DISP1: variants seen among roughly 807,000 people sequenced by gnomAD.
DISP1 encodes dispatched RND transporter family member 1.
Under a neutral mutation model 37.3 loss-of-function variants are expected in DISP1, and 30 were observed. The observed-to-expected ratio is 0.80, with a 90% confidence interval of 0.60 to 1.09. The LOEUF (loss-of-function observed/expected upper bound fraction) is 1.09. Ranked by LOEUF, DISP1 falls within the 50% of genes least tolerant of loss-of-function variation. The pLI is 0.00. For synonymous variants in DISP1, 634 were observed against 690.2 expected (o/e 0.92, Z 1.28); for missense variants, 1,598 against 1,879.5 (o/e 0.85, Z 2.77).
rs1463813224 is a variant in DISP1, at chr1:223,004,112, G to A, written c.2715G>A (p.Leu905=). 1 of 1,613,978 alleles carries A rather than the reference G, an allele frequency of 6.2e-7. No homozygotes were observed. Among genetic ancestry groups the A allele is most frequent in the Non-Finnish European group, 8.5e-7 (1 of 1,180,020 alleles). The change falls in exon 9 of 9, where the codon TTG becomes TTA. Residue 905 remains leucine, a synonymous_variant. Transcript: ENST00000675850. The surrounding 1 kb of genome is among the most constrained non-coding windows in gnomAD (Gnocchi z 4.9). ...TGGAAAGGAGTACAGGGTACCATTTGGATAGCAAAACCCCAGGGCCGAGGT... is the reference window on the plus strand; with the variant it reads ...TGGAAAGGAGTACAGGGTACCATTTAGATAGCAAAACCCCAGGGCCGAGGT... ...MELERSTGYH[L]DSKTPGPRFD...
intron 3 of DISP1, among the ~76,000 whole-genome samples, chr1:222,944,682 T>C (rs187475428): frequency 6.6e-6 from 1 of 152,364 alleles, no homozygotes; most frequent in East Asian, 1.9e-4. Flanking sequence ...CTGAGTTCTA[T>C]TACTATAGAT....
At chr1:222,832,538 G>T (rs535859658) in intron 1 of DISP1, among the ~76,000 whole-genome samples, 3 of 152,062 alleles carry the variant, frequency 2.0e-5, no homozygotes, top group Admixed American at 2.0e-4. Context: ...TAAAATGCAG[G>T]ATTACTTTAG....
At chr1:222,968,196 T>G (rs1220598540) in intron 3 of DISP1, among the ~76,000 whole-genome samples, 1 of 152,130 alleles carries the variant, frequency 6.6e-6, no homozygotes, top group African/African-American at 2.4e-5. Flanking sequence ...TGACTTCCAC[T>G]TAGTTCCCAT....
chr1:222,913,999 G>GT lies in DISP1; in HGVS notation c.-158-14429dup, dbSNP rs1421066146. 1.9e-3 allele frequency among the ~76,000 whole-genome samples: 245 copies of GT among 130,882 alleles called. 1 individual carries two copies. Among genetic ancestry groups the GT allele is most frequent in the African/African-American group, 6.9e-3 (222 of 32,064 alleles). The allele number at this position is 130,882 out of a possible 152,430, so 85.9% of individuals were successfully genotyped here. A position where few individuals can be genotyped will look rare whatever the true frequency, so the allele number is the denominator to read the frequency against. ...TCATACTGTTATATGTGTTTTTTTG[G>GT]TTGTTTTTTTTTTTTTTTTAACCCA... On this transcript the variant is annotated intron_variant, in intron 1 of 8. Coordinates refer to ENST00000675850, the MANE Select transcript of DISP1 (RefSeq NM_001377229.1).
Position 222,999,092 on chromosome 1 carries a change from A to C in DISP1, c.988-3293A>C, listed in dbSNP as rs186913989. On this transcript the variant is annotated intron_variant, in intron 8 of 8. Transcript: ENST00000675850. ...AGTTTTAAAAGTTAAGGTATCATTTAAAACTCTCTGCTGGTTTCTTCTTTT... is the reference window on the plus strand; with the variant it reads ...AGTTTTAAAAGTTAAGGTATCATTTCAAACTCTCTGCTGGTTTCTTCTTTT... Among the ~76,000 whole-genome samples the C allele has an allele frequency of 5.1e-4, 78 of 152,250 alleles. No individual in the cohort carries two copies. In the East Asian group the frequency reaches 9.8e-3, roughly 19 times the overall value.
At chr1:222,853,729 G>C (rs948883045) in intron 1 of DISP1, among the ~76,000 whole-genome samples, 25 of 152,240 alleles carry the variant, frequency 1.6e-4, no homozygotes, top group African/African-American at 5.3e-4. Context: ...GAGAATACCA[G>C]AGGGTGGGAA....
intron 8 of DISP1, 93 bp from the exon 9 acceptor site, chr1:223,002,292 C>A: frequency 5.2e-6 from 6 of 1,155,286 alleles, no homozygotes; most frequent in Non-Finnish European, 7.8e-6. Flanking sequence ...CTTTCCCTGT[C>A]CCTCAAGATC....
intron 2 of DISP1, among the ~76,000 whole-genome samples, chr1:222,938,475 T>C (rs961417714): frequency 6.6e-6 from 1 of 151,952 alleles, no homozygotes; most frequent in Non-Finnish European, 1.5e-5. Context: ...TGGCTCATCC[T>C]GTAATCCTAG....
At chr1:222,949,683 G>A (rs747786870) in intron 3 of DISP1, among the ~76,000 whole-genome samples, 1 of 152,146 alleles carries the variant, frequency 6.6e-6, no homozygotes, top group Non-Finnish European at 1.5e-5. Context: ...CTGGAGTGCA[G>A]TGGCACGATC....
intron 1 of DISP1, among the ~76,000 whole-genome samples, chr1:222,853,558 G>A (rs1471967383): frequency 7.2e-5 from 11 of 152,192 alleles, no homozygotes; most frequent in South Asian, 2.1e-4. Context: ...CTATTTGGCC[G>A]TAAAAAAACC....
intron 4 of DISP1, 38 bp from the exon 5 acceptor site, chr1:222,990,587 T>C (rs1344662835): frequency 1.9e-6 from 3 of 1,613,534 alleles, no homozygotes; most frequent in Non-Finnish European, 2.5e-6. Context: ...TCTGTAGTTA[T>C]GCAGCTCTGA....
chr1:222,830,957 A>C (rs1665590003), intron 1 of DISP1: 1 of 152,210 alleles, frequency 6.6e-6, no homozygotes, highest in Non-Finnish European at 1.5e-5. Context: ...CTAATCCTTA[A>C]AGAATGGTAT....
chr1:222,879,370 TGAG>T (rs1411870915), intron 1 of DISP1, among the ~76,000 whole-genome samples: 2 of 152,140 alleles, frequency 1.3e-5, no homozygotes. Flanking sequence ...CTGTTAAAAA[TGAG>T]GAGTACTGTG....
chr1:223,005,812 G>A lies in DISP1; in HGVS notation c.4415G>A (p.Gly1472Asp). Residue 1472 changes from glycine (G) to aspartate (D), a missense_variant, in exon 9 of 9, where the codon GGT becomes GAT. Coordinates refer to ENST00000675850, the MANE Select transcript of DISP1 (RefSeq NM_001377229.1). Reference sequence around the variant, plus strand: ...TTTAATCATTTAATGGGGGAGGCTGGTTGTAGGTCTTGCCCAAATAATTCA... The same window carrying A: ...TTTAATCATTTAATGGGGGAGGCTGATTGTAGGTCTTGCCCAAATAATTCA... ...VLFNHLMGEA[G>D]CRSCPNNSQS... 1.2e-6 allele frequency: 2 copies of A among 1,614,216 alleles called. No individual in the cohort carries two copies. The highest frequency in any genetic ancestry group is 1.7e-5 in the Admixed American group (1 of 60,022).
At chr1:222,922,248 G>T (rs371576050) in intron 1 of DISP1, among the ~76,000 whole-genome samples, 20 of 152,158 alleles carry the variant, frequency 1.3e-4, no homozygotes, top group African/African-American at 4.6e-4. Flanking sequence ...GTGTTTTTTT[G>T]GACTGAAGAG....
chr1:222,994,036 G>A (rs1316722422), intron 7 of DISP1, among the ~76,000 whole-genome samples: 4 of 152,116 alleles, frequency 2.6e-5, no homozygotes, highest in Admixed American at 1.3e-4. Flanking sequence ...TTTGTTTTAT[G>A]TGGTTCATAT....
intron 1 of DISP1, among the ~76,000 whole-genome samples, chr1:222,854,792 C>T (rs750966189): frequency 6.6e-6 from 1 of 151,020 alleles, no homozygotes; most frequent in Non-Finnish European, 1.5e-5. Flanking sequence ...ACCCAGAATA[C>T]GGTGCTTTGA....
chr1:222,831,431 ATGTT>A (rs559732791), intron 1 of DISP1, among the ~76,000 whole-genome samples: 1 of 152,224 alleles, frequency 6.6e-6, no homozygotes, highest in African/African-American at 2.4e-5. Context: ...ATAAGGAACT[ATGTT>A]TGATGCTAGG....
intron 8 of DISP1, among the ~76,000 whole-genome samples, chr1:222,999,675 G>A (rs1679304429): frequency 6.6e-6 from 1 of 152,144 alleles, no homozygotes. Flanking sequence ...TTATGTAGAT[G>A]CTCAGTAAAT....
Sources: gnomAD v4.1 joint callset for allele counts (sites outside exome capture counted in the v4.1 genomes callset) on GRCh38, gnomAD v4.1.1 for gene constraint, Gnocchi (gnomAD v3.1) non-coding constraint, MANE v1.5 for transcripts, NCBI Gene and HGNC (gene_info 2026-07-23, HGNC 2026-07-21) for gene names.